RAPH1: variants seen among roughly 807,000 people sequenced by gnomAD.
RAPH1 encodes Ras association (RalGDS/AF-6) and pleckstrin homology domains 1.
In RAPH1, 18 loss-of-function variants were observed where a neutral mutation model predicts 88.1. That is an observed-to-expected ratio of 0.20 (90% CI 0.14 to 0.30). RAPH1 has a LOEUF of 0.30. Among genes scored for constraint, RAPH1 ranks in the 10% least tolerant of loss-of-function variants. RAPH1 has a pLI of 1.00. For missense variants in RAPH1, 1,448 were observed against 1,543.2 expected (o/e 0.94, Z 1.03); for synonymous variants, 587 against 559.0 (o/e 1.05, Z -0.71).
In RAPH1 at chr2:203,439,141, G is replaced by A. The variant is rs886479763; in HGVS notation, c.*296C>T. 1.4e-4 allele frequency: 42 copies of A among 305,296 alleles called. No individual in the cohort carries two copies. The highest frequency in any genetic ancestry group is 2.5e-4 in the Non-Finnish European group (40 of 162,572). The allele number at this position is 305,296 out of a possible 1,614,324, so 18.9% of individuals were successfully genotyped here. A position where few individuals can be genotyped will look rare whatever the true frequency, so the allele number is the denominator to read the frequency against. On this transcript the variant is annotated 3_prime_UTR_variant, in exon 14 of 14. Transcript: ENST00000319170. ...AGAGACAACACACATCCCCTTCTATGCCTCTTCCACCCAAAATACAGAACA... is the reference window on the plus strand; with the variant it reads ...AGAGACAACACACATCCCCTTCTATACCTCTTCCACCCAAAATACAGAACA...
intron 2 of RAPH1, 149 bp downstream of exon 2, chr2:203,495,085 G>T: frequency 2.6e-6 from 2 of 761,074 alleles, no homozygotes; most frequent in Non-Finnish European, 4.2e-6. Flanking sequence ...GTTCTAGAAT[G>T]ACTTCATTTA....
In RAPH1 at chr2:203,495,784, C is replaced by CT. The variant is rs1028049318; in HGVS notation, c.1-432_1-431insA. ...ATTCTGTAAAAATCTGTTTAGATAC[C>CT]AATAGGTACCCTGCAAAACCTTAGT... is the stretch of plus-strand genomic sequence containing the variant. On this transcript the variant is annotated intron_variant, in intron 1 of 13. Coordinates refer to ENST00000319170, the MANE Select transcript of RAPH1 (RefSeq NM_213589.3). Among the ~76,000 whole-genome samples, 8 of 152,090 alleles carry CT rather than the reference C, an allele frequency of 5.3e-5. No individual in the cohort carries two copies. In the South Asian group the frequency reaches 1.5e-3, roughly 28 times the overall value.
intron 3 of RAPH1, 39 bp from the exon 4 acceptor site, chr2:203,490,128 A>G (rs1324116161): frequency 6.6e-7 from 1 of 1,515,064 alleles, no homozygotes; most frequent in African/African-American, 1.4e-5. Flanking sequence ...GAATTTATAC[A>G]TTCTATTATA....
chr2:203,520,689 T>C (rs754721278), intron 1 of RAPH1, among the ~76,000 whole-genome samples: 20 of 149,664 alleles, frequency 1.3e-4, no homozygotes, highest in Non-Finnish European at 2.5e-4. Flanking sequence ...TCTAGAAACA[T>C]ACTAAAGAAG....
At chr2:203,530,799 G>A (rs947599375) in intron 1 of RAPH1, among the ~76,000 whole-genome samples, 2 of 152,070 alleles carry the variant, frequency 1.3e-5, no homozygotes, top group African/African-American at 4.8e-5. Flanking sequence ...GGCTGAGGCA[G>A]GAGAATCGCT....
In RAPH1 at chr2:203,467,924, C is replaced by T. The variant is rs895320381; in HGVS notation, c.733-5999G>A. 3.3e-5 allele frequency among the ~76,000 whole-genome samples: 5 copies of T among 151,892 alleles called. No individual in the cohort carries two copies. The East Asian group carries it at 5.9e-4, about 18-fold the overall frequency. ...CTGGGACTACAGGCATGCACCACCA[C>T]GCCAGGCTAATTTTTGTATTTTTTT... On this transcript the variant is annotated intron_variant, in intron 4 of 13. Transcript: ENST00000319170.
At chr2:203,516,447 C>T (rs1017355110) in intron 1 of RAPH1, among the ~76,000 whole-genome samples, 1 of 152,204 alleles carries the variant, frequency 6.6e-6, no homozygotes, top group Non-Finnish European at 1.5e-5. Flanking sequence ...CTAAATGTAT[C>T]AATTGAAAGA....
At chr2:203,491,097 T>C in intron 3 of RAPH1, 117 bp downstream of exon 3, 1 of 541,494 alleles carries the variant, frequency 1.8e-6, no homozygotes, top group Admixed American at 3.4e-5. Context: ...AAGAACTTGG[T>C]CGAGTTATGC....
At position 203,434,745 on chromosome 2, in the gene RAPH1, G is replaced by T. The variant is rs998670451; in HGVS notation, c.*4692C>A. 2.0e-5 allele frequency: 3 copies of T among 152,330 alleles called. No homozygotes were observed. Among genetic ancestry groups the T allele is most frequent in the Non-Finnish European group, 4.4e-5 (3 of 68,016 alleles). 9.4% of individuals were successfully genotyped at this position (152,330 alleles called of 1,614,324 possible). A position where few individuals can be genotyped will look rare whatever the true frequency, so the allele number is the denominator to read the frequency against. ...TGAGGCTGCAACAATCATGAGCTTG[G>T]TATTAGTAGCCATCCATGATAAACA... is the stretch of plus-strand genomic sequence containing the variant. On this transcript the variant is annotated 3_prime_UTR_variant, in exon 14 of 14. Coordinates refer to ENST00000319170, the MANE Select transcript of RAPH1 (RefSeq NM_213589.3).
At chr2:203,528,695 C>T (rs1581418071) in intron 1 of RAPH1, among the ~76,000 whole-genome samples, 1 of 152,036 alleles carries the variant, frequency 6.6e-6, no homozygotes, top group East Asian at 1.9e-4. Context: ...TTCATTGTTG[C>T]TGCCTTAAAC....
chr2:203,453,355 G>A (rs1334752588), intron 10 of RAPH1, among the ~76,000 whole-genome samples: 5 of 151,790 alleles, frequency 3.3e-5, no homozygotes, highest in Non-Finnish European at 7.4e-5. Flanking sequence ...GACTAGCCTA[G>A]GCAATATGGC....
chr2:203,441,118 A>T lies in RAPH1; in HGVS notation c.2072T>A (p.Val691Glu). 6.2e-7 allele frequency: 1 copy of T among 1,610,090 alleles called. No homozygotes were observed. The highest frequency in any genetic ancestry group is 8.5e-7 in the Non-Finnish European group (1 of 1,178,414). ...AGGCTTCACTGACTGTGACTGCATC[A>T]CTGGGGGTGTTGGCGGCTTAAACAG... ...GALFKPPTPP[V>E]MQSQSVKPQI... The change falls in exon 14 of 14, where the codon GTG (valine) becomes GAG (glutamate). Residue 691 changes from valine to glutamate, a missense_variant. Val to Glu is a moderately radical substitution (Grantham distance 121). Transcript: ENST00000319170.
chr2:203,442,021 C>CA, intron 13 of RAPH1: 1 of 1,560,734 alleles, frequency 6.4e-7, no homozygotes, highest in South Asian at 1.3e-5. Flanking sequence ...CAATTGCATC[C>CA]AACATGCACA....
At position 203,439,819 on chromosome 2, in the gene RAPH1, C is replaced by A. The variant is rs757405263; in HGVS notation, c.3371G>T (p.Arg1124Leu). The change falls in exon 14 of 14, where the codon CGA becomes CTA. Residue 1124 changes from arginine (R) to leucine (L), a missense_variant. By Grantham distance (102) the Arg-to-Leu change is moderately radical (BLOSUM62 -2). This residue lies in a region of RAPH1 where 935 missense variants were observed against 890.1 expected (regional missense o/e 1.05). Transcript: ENST00000319170. ...MSVKKAPPPT[R>L]PKRNDSTRLT... is the part of the protein sequence containing the mutation. ...GCGGGTGCTATCATTCCGTTTGGGTCGTGTGGGTGGAGGGGCCTTCTTCAC... is the reference window on the plus strand; with the variant it reads ...GCGGGTGCTATCATTCCGTTTGGGTAGTGTGGGTGGAGGGGCCTTCTTCAC... 6.2e-7 allele frequency: 1 copy of A among 1,613,960 alleles called. No homozygotes were observed. The highest frequency in any genetic ancestry group is 1.1e-5 in the South Asian group (1 of 91,070).
intron 10 of RAPH1, among the ~76,000 whole-genome samples, chr2:203,450,137 G>T (rs529980551): frequency 6.6e-6 from 1 of 150,992 alleles, no homozygotes; most frequent in African/African-American, 2.4e-5. Flanking sequence ...AATAAAATAA[G>T]CAATTTAAAT....
At chr2:203,477,024 T>C in intron 4 of RAPH1, 1 of 1,275,180 alleles carries the variant, frequency 7.8e-7, no homozygotes, top group Non-Finnish European at 1.1e-6. Flanking sequence ...GGAGGTCTAA[T>C]GAATGCATTC....
At chr2:203,486,093 C>CAAAAAAAA (rs59599120) in intron 4 of RAPH1, among the ~76,000 whole-genome samples, 1 of 121,868 alleles carries the variant, frequency 8.2e-6, no homozygotes, top group African/African-American at 3.3e-5. Context: ...CTGAAGACTA[C>CAAAAAAAA]AAAAAAAAAA....
chr2:203,489,662 G>A lies in RAPH1; in HGVS notation c.654C>T (p.Ser218=), dbSNP rs113379995. The part of the protein sequence containing the change: ...SHSSITSAAS[S]MDSLDIDKVT... ...CTTTATCAATATCCAAAGAGTCCATGCTGGAGGCTGCGGAAGTGATGCTGG... is the reference window on the plus strand; with the variant it reads ...CTTTATCAATATCCAAAGAGTCCATACTGGAGGCTGCGGAAGTGATGCTGG... Residue 218 remains serine, a synonymous_variant, in exon 4 of 14, where the codon AGC becomes AGT. Transcript: ENST00000319170. The A allele has an allele frequency of 2.5e-4, 397 of 1,614,088 alleles. 4 individuals are homozygous for A. In the Middle Eastern group the frequency reaches 2.8e-3, roughly 11 times the overall value.
At chr2:203,494,017 A>AAAT (rs1581356790) in intron 2 of RAPH1, among the ~76,000 whole-genome samples, 3 of 129,854 alleles carry the variant, frequency 2.3e-5, no homozygotes, top group Non-Finnish European at 3.3e-5. Flanking sequence ...AAAAAAAAAA[A>AAAT]TCCCCCCAAA....
Sources: allele counts gnomAD v4.1 joint callset (sites outside exome capture counted in the v4.1 genomes callset), GRCh38; gene constraint gnomAD v4.1.1; regional missense constraint gnomAD v4.1.1; transcripts MANE v1.5; gene names NCBI Gene and HGNC (gene_info 2026-07-23, HGNC 2026-07-21).